UNC5C: variants seen among roughly 807,000 people sequenced by gnomAD.
The protein encoded by UNC5C is netrin receptor UNC5C.
A neutral mutation model predicts 99.8 loss-of-function variants in UNC5C; 47 were observed. That is an observed-to-expected ratio of 0.47 (90% CI 0.37 to 0.60). UNC5C has a LOEUF of 0.60. Among genes scored for constraint, UNC5C ranks in the 20% least tolerant of loss-of-function variants. The pLI, the probability that UNC5C is intolerant of heterozygous loss-of-function variation, is 0.00. For synonymous variants in UNC5C, 487 were observed against 452.2 expected (o/e 1.08, Z -0.98); for missense variants, 1,062 against 1,165.9 (o/e 0.91, Z 1.30).
At chr4:95,287,872 A>G (rs1002948092) in intron 3 of UNC5C, among the ~76,000 whole-genome samples, 2 of 152,194 alleles carry the variant, frequency 1.3e-5, no homozygotes, top group African/African-American at 4.8e-5. Context: ...TTTAAAAAAT[A>G]CTTTGAGATC....
chr4:95,329,236 G>A (rs1462531072), intron 2 of UNC5C, among the ~76,000 whole-genome samples: 1 of 152,146 alleles, frequency 6.6e-6, no homozygotes, highest in Non-Finnish European at 1.5e-5. Flanking sequence ...CTTGCAGTGA[G>A]CTATGATCAT....
intron 11 of UNC5C, among the ~76,000 whole-genome samples, chr4:95,205,047 A>G (rs2149361599): frequency 6.6e-6 from 1 of 152,256 alleles, no homozygotes; most frequent in South Asian, 2.1e-4. Flanking sequence ...AGGACAAAGG[A>G]AAGCCTCCGG....
chr4:95,190,777 A>G (rs1737053109), intron 12 of UNC5C, among the ~76,000 whole-genome samples: 1 of 152,160 alleles, frequency 6.6e-6, no homozygotes, highest in African/African-American at 2.4e-5. Flanking sequence ...AGCGTCCGCC[A>G]GGGATCTGAG....
Position 95,524,561 on chromosome 4 carries a change from T to G in UNC5C, c.124+24173A>C, listed in dbSNP as rs146316930. 5.1e-3 allele frequency among the ~76,000 whole-genome samples: 775 copies of G among 152,252 alleles called. 4 individuals are homozygous for G. The highest frequency in any genetic ancestry group is 0.018 in the African/African-American group (730 of 41,546). On this transcript the variant is annotated intron_variant, in intron 1 of 15. Coordinates refer to ENST00000453304, the MANE Select transcript of UNC5C (RefSeq NM_003728.4). ...GGAAAACTGGAAGCTGCCACCATAT[T>G]GGGCCCATATTCCTGCAGTGAGAAC...
intron 7 of UNC5C, among the ~76,000 whole-genome samples, chr4:95,222,857 G>A (rs1240299870): frequency 6.6e-6 from 1 of 152,010 alleles, no homozygotes; most frequent in Non-Finnish European, 1.5e-5. Flanking sequence ...AGTTCGATAG[G>A]TTTTGCCTAG....
chr4:95,371,461 T>A (rs1156643517), intron 1 of UNC5C, among the ~76,000 whole-genome samples: 1 of 149,260 alleles, frequency 6.7e-6, no homozygotes, highest in Non-Finnish European at 1.5e-5. Context: ...GAGGTTAGAG[T>A]TGGAAAAGAT....
intron 4 of UNC5C, among the ~76,000 whole-genome samples, chr4:95,260,799 A>G (rs1481708827): frequency 1.3e-5 from 2 of 152,262 alleles, no homozygotes; most frequent in South Asian, 4.2e-4. Flanking sequence ...ACGACAGAGA[A>G]GCAGTTGGGA....
intron 1 of UNC5C, among the ~76,000 whole-genome samples, chr4:95,512,082 AAGGAGGC>A (rs926626033): frequency 2.0e-5 from 3 of 152,048 alleles, no homozygotes; most frequent in Middle Eastern, 3.2e-3. Context: ...GGGTCTGGAG[AAGGAGGC>A]AGGAGGCAGG....
intron 1 of UNC5C, among the ~76,000 whole-genome samples, chr4:95,398,001 A>C (rs1579383380): frequency 7.0e-6 from 1 of 143,100 alleles, no homozygotes; most frequent in African/African-American, 2.7e-5. Flanking sequence ...TATTTATTGC[A>C]CCCTTGGGAC....
chr4:95,498,159 G>A (rs961236360), intron 1 of UNC5C, among the ~76,000 whole-genome samples: 19 of 151,984 alleles, frequency 1.3e-4, no homozygotes, highest in Non-Finnish European at 2.5e-4. Context: ...AGTCAGTAGA[G>A]AACAAGGAAA....
In UNC5C at chr4:95,548,789, G is replaced by C; in HGVS notation, c.69C>G (p.Leu23=). The change falls in exon 1 of 16, where the codon CTC becomes CTG. Residue 23 remains leucine, a synonymous_variant. Transcript: ENST00000453304. ...TGAGCAGGGCCAGGGCAGGTAGCAC[G>C]AGCATTTGCAGCAAGTATCCCAGTC... ...GLGLGYLLQM[L]VLPALALLSA... 4.3e-6 allele frequency: 7 copies of C among 1,613,466 alleles called. No homozygotes were observed. Among genetic ancestry groups the C allele is most frequent in the Non-Finnish European group, 5.9e-6 (7 of 1,179,910 alleles).
intron 1 of UNC5C, among the ~76,000 whole-genome samples, chr4:95,368,903 A>ATG (rs137862816): frequency 2.1e-4 from 32 of 150,600 alleles, no homozygotes; most frequent in African/African-American, 6.3e-4. Flanking sequence ...GTGTGTGTGT[A>ATG]TGTGTGTGTG....
intron 1 of UNC5C, among the ~76,000 whole-genome samples, chr4:95,507,301 G>T (rs1336529193): frequency 6.6e-6 from 1 of 151,812 alleles, no homozygotes; most frequent in Non-Finnish European, 1.5e-5. Context: ...GGCACCATTA[G>T]ATAATTAGGA....
intron 1 of UNC5C, among the ~76,000 whole-genome samples, chr4:95,534,917 A>G (rs1055809465): frequency 6.6e-6 from 1 of 152,168 alleles, no homozygotes; most frequent in African/African-American, 2.4e-5. Flanking sequence ...AATTTCTGAT[A>G]CAGTGAGGAA....
At chr4:95,494,251 A>G (rs1376977361) in intron 1 of UNC5C, among the ~76,000 whole-genome samples, 1 of 151,564 alleles carries the variant, frequency 6.6e-6, no homozygotes, top group Non-Finnish European at 1.5e-5. Context: ...ATCAGTTTAC[A>G]TTTTATAGGA....
intron 14 of UNC5C, among the ~76,000 whole-genome samples, chr4:95,177,038 G>C (rs1331175916): frequency 6.6e-6 from 1 of 152,188 alleles, no homozygotes; most frequent in Non-Finnish European, 1.5e-5. Context: ...TCTTTGACTA[G>C]GAAAGGGAAC....
At chr4:95,543,461 C>T (rs1026945511) in intron 1 of UNC5C, among the ~76,000 whole-genome samples, 10 of 152,184 alleles carry the variant, frequency 6.6e-5, no homozygotes, top group African/African-American at 9.6e-5. Flanking sequence ...GATAACGAAA[C>T]TTCCTATTGC....
chr4:95,411,297 C>A (rs906813838), intron 1 of UNC5C, among the ~76,000 whole-genome samples: 3 of 151,978 alleles, frequency 2.0e-5, no homozygotes, highest in Non-Finnish European at 4.4e-5. Context: ...CAAAAAAAAC[C>A]CTCAGATGTC....
chr4:95,176,785 T>A (rs1009055726), intron 14 of UNC5C, among the ~76,000 whole-genome samples: 2 of 152,242 alleles, frequency 1.3e-5, no homozygotes, highest in Non-Finnish European at 2.9e-5. Context: ...TCGAGCTTCC[T>A]GGCTGCTTTG....
Sources: allele counts gnomAD v4.1 joint callset (sites outside exome capture counted in the v4.1 genomes callset), GRCh38; gene constraint gnomAD v4.1.1; transcripts MANE v1.5; gene names NCBI Gene and HGNC (gene_info 2026-07-23, HGNC 2026-07-21).